The following B4GALT1 variants were observed in gnomAD, a reference collection of about 807,000 sequenced individuals.
B4GALT1 encodes N-acetyllactosamine synthase.
Under a neutral mutation model 34.9 loss-of-function variants are expected in B4GALT1, and 16 were observed. The ratio of observed to expected loss-of-function variants is 0.46; its 90% CI spans 0.31 to 0.70. B4GALT1 has a LOEUF of 0.70. B4GALT1 is among the 30% of genes least tolerant of loss of function. The pLI, the probability that B4GALT1 is intolerant of heterozygous loss-of-function variation, is 0.05. For missense variants in B4GALT1, 445 were observed against 530.5 expected, an observed-to-expected ratio of 0.84 and a Z score of 1.58; for synonymous variants, 221 against 218.1, an observed-to-expected ratio of 1.01 and a Z score of -0.12.
At chr9:33,183,802 T>C in the B4GALT1 span, among the ~76,000 whole-genome samples, 1 of 151,094 alleles carries the variant, frequency 6.6e-6, no homozygotes, top group African/African-American at 2.4e-5. Flanking sequence ...AAAAAGAAAA[T>C]GTGGCACATA....
chr9:33,129,136 C>T (rs1017557373), intron 2 of B4GALT1, among the ~76,000 whole-genome samples: 1 of 152,156 alleles, frequency 6.6e-6, no homozygotes, highest in Non-Finnish European at 1.5e-5. Flanking sequence ...CCTGTGGAGC[C>T]TTCCCTCTGC....
chr9:33,124,204 A>T (rs912129158), intron 2 of B4GALT1, among the ~76,000 whole-genome samples: 1 of 152,182 alleles, frequency 6.6e-6, no homozygotes, highest in Non-Finnish European at 1.5e-5. Flanking sequence ...AGGCCCTGGC[A>T]AGCTCACCAA....
rs1464884570 is a variant in B4GALT1 at position 33,113,196 on chromosome 9, C to T, written c.*258G>A. 9.2e-6 allele frequency: 5 copies of T among 541,534 alleles called. No individual in the cohort carries two copies. The highest frequency in any genetic ancestry group is 3.8e-5 in the African/African-American group (2 of 52,806). The allele number at this position is 541,534 out of a possible 1,614,324, so 33.5% of individuals were successfully genotyped here. A position where few individuals can be genotyped will look rare whatever the true frequency, so the allele number is the denominator to read the frequency against. ...TTTTGGGATGTGTACAGTTCTGACT[C>T]TGGGGTGACACTGCGAACACATCAA... On this transcript the variant is annotated 3_prime_UTR_variant, in exon 6 of 6. Transcript: ENST00000379731.
chr9:33,106,436 TG>T (rs1448688531), downstream of B4GALT1, among the ~76,000 whole-genome samples: 4 of 152,308 alleles, frequency 2.6e-5, no homozygotes, highest in Admixed American at 2.0e-4. Context: ...CTCAGGCCCC[TG>T]GGTACTCTTG....
chr9:33,130,238 G>T (rs1840174022), intron 2 of B4GALT1, among the ~76,000 whole-genome samples: 1 of 152,080 alleles, frequency 6.6e-6, no homozygotes, highest in Non-Finnish European at 1.5e-5. Flanking sequence ...CTTAATTTAG[G>T]GCTAGTGCTA....
At chr9:33,104,367 G>A (rs1839778090) in exon 3 of B4GALT1, 1 of 156,550 alleles carries the variant, frequency 6.4e-6, no homozygotes, top group African/African-American at 2.4e-5. Context: ...CCAACAGTCA[G>A]TGGGAACCAA....
At chr9:33,129,786 A>G (rs1840166393) in intron 2 of B4GALT1, among the ~76,000 whole-genome samples, 1 of 152,154 alleles carries the variant, frequency 6.6e-6, no homozygotes, top group Non-Finnish European at 1.5e-5. Context: ...GGGAAGCTTA[A>G]AAGATAGCCA....
intron 1 of B4GALT1, among the ~76,000 whole-genome samples, chr9:33,150,749 A>T (rs1042491824): frequency 3.3e-5 from 5 of 152,208 alleles, no homozygotes; most frequent in Non-Finnish European, 7.3e-5. Flanking sequence ...AATTTTTTTT[A>T]AAGTTAAGAA....
At chr9:33,133,519 T>C (rs973693991) in intron 2 of B4GALT1, among the ~76,000 whole-genome samples, 2 of 152,210 alleles carry the variant, frequency 1.3e-5, no homozygotes, top group East Asian at 1.9e-4. Flanking sequence ...CAGACAAATG[T>C]TTCTCAATCA....
downstream of B4GALT1, among the ~76,000 whole-genome samples, chr9:33,105,880 GT>G (rs35330697): frequency 0.023 from 1,943 of 85,520 alleles, 13 homozygotes; most frequent in African/African-American, 0.075. Flanking sequence ...GGACTCGTGG[GT>G]TTTTTTTTTT....
intron 1 of B4GALT1, among the ~76,000 whole-genome samples, chr9:33,139,642 T>C (rs962617752): frequency 2.0e-5 from 3 of 152,252 alleles, no homozygotes; most frequent in Non-Finnish European, 2.9e-5. Flanking sequence ...CACCTGGCTC[T>C]GTCCCAGTGA....
At chr9:33,160,037 A>G (rs1488366481) in intron 1 of B4GALT1, among the ~76,000 whole-genome samples, 2 of 152,238 alleles carry the variant, frequency 1.3e-5, no homozygotes, top group South Asian at 2.1e-4. Context: ...TTCTTTTTTA[A>G]TCAGAATTCT....
chr9:33,161,493 C>T (rs1030263860), intron 1 of B4GALT1, among the ~76,000 whole-genome samples: 3 of 152,174 alleles, frequency 2.0e-5, no homozygotes, highest in African/African-American at 7.2e-5. Context: ...CAATCTTAAT[C>T]GCAGTCTGGC....
rs944037113 is a variant in B4GALT1, at chr9:33,110,796, G to A, written c.*2658C>T. 1.3e-4 allele frequency: 20 copies of A among 152,166 alleles called. No homozygotes were observed. Among genetic ancestry groups the A allele is most frequent in the African/African-American group, 4.6e-4 (19 of 41,408 alleles). 9.4% of individuals were successfully genotyped at this position (152,166 alleles called of 1,614,324 possible). ...GGAAATCAAAATACACAGCACAACA[G>A]GTCTCTGGGACATGAAAGCCGTCAT... On this transcript the variant is annotated 3_prime_UTR_variant, in exon 6 of 6. Coordinates refer to ENST00000379731, the MANE Select transcript of B4GALT1 (RefSeq NM_001497.4).
intron 4 of B4GALT1, among the ~76,000 whole-genome samples, chr9:33,114,633 T>G (rs958706903): frequency 6.6e-5 from 10 of 152,088 alleles, no homozygotes. Context: ...AGAACAAGAC[T>G]AGAGGCAGCC....
chr9:33,162,476 T>C (rs1249551359), intron 1 of B4GALT1, among the ~76,000 whole-genome samples: 1 of 152,178 alleles, frequency 6.6e-6, no homozygotes, highest in Non-Finnish European at 1.5e-5. Context: ...AGGAATGAAG[T>C]TATCAGATGC....
chr9:33,119,745 T>G (rs1170752897), intron 3 of B4GALT1, among the ~76,000 whole-genome samples: 1 of 151,464 alleles, frequency 6.6e-6, no homozygotes, highest in Non-Finnish European at 1.5e-5. Context: ...CCAAGGAACA[T>G]CTGCTGAGGT....
intron 1 of B4GALT1, among the ~76,000 whole-genome samples, chr9:33,157,717 TAA>T (rs34243341): frequency 7.6e-4 from 111 of 145,526 alleles, no homozygotes; most frequent in Admixed American, 1.2e-3. Flanking sequence ...TATTTTCAAC[TAA>T]AAAAAAAAAA....
intron 2 of B4GALT1, among the ~76,000 whole-genome samples, chr9:33,128,785 G>A (rs1840150162): frequency 6.6e-6 from 1 of 152,156 alleles, no homozygotes; most frequent in African/African-American, 2.4e-5. Context: ...GAGGCCATAA[G>A]CCCAGGCAGC....
Sources: allele counts gnomAD v4.1 joint callset (sites outside exome capture counted in the v4.1 genomes callset), GRCh38; gene constraint gnomAD v4.1.1; transcripts MANE v1.5; gene names NCBI Gene and HGNC (gene_info 2026-07-23, HGNC 2026-07-21).